The following EFCAB6 variants were observed in gnomAD, a reference collection of about 807,000 sequenced individuals.
EFCAB6 encodes EF-hand calcium-binding domain-containing protein 6.
Under a neutral mutation model 169.8 loss-of-function variants are expected in EFCAB6, and 156 were observed. That is an observed-to-expected ratio of 0.92 (90% confidence interval 0.81 to 1.05). EFCAB6 has a LOEUF of 1.05. Ranked by LOEUF, EFCAB6 falls within the 50% of genes least tolerant of loss-of-function variation. EFCAB6 has a pLI of 0.00. For synonymous variants in EFCAB6, 698 were observed against 676.4 expected (o/e 1.03, Z -0.50); for missense variants, 1,800 against 1,829.1 (o/e 0.98, Z 0.29).
intron 2 of EFCAB6, among the ~76,000 whole-genome samples, chr22:43,788,363 A>G (rs529485513): frequency 1.3e-5 from 2 of 152,224 alleles, no homozygotes; most frequent in Admixed American, 6.5e-5. Flanking sequence ...AGAATATATT[A>G]GGAACTCTTA....
intron 24 of EFCAB6, among the ~76,000 whole-genome samples, chr22:43,582,288 G>A (rs987078673): frequency 6.6e-6 from 1 of 151,700 alleles, no homozygotes; most frequent in East Asian, 1.9e-4. Context: ...GTTTAAGGAA[G>A]AAAAAAACAT....
intron 17 of EFCAB6, among the ~76,000 whole-genome samples, chr22:43,647,455 T>G (rs1300186870): frequency 6.6e-6 from 1 of 152,188 alleles, no homozygotes; most frequent in Non-Finnish European, 1.5e-5. Flanking sequence ...ATCCAGGAAC[T>G]GGGAATACAA....
chr22:43,721,383 A>G (rs927692543), intron 8 of EFCAB6, among the ~76,000 whole-genome samples: 1 of 152,184 alleles, frequency 6.6e-6, no homozygotes, highest in African/African-American at 2.4e-5. Context: ...CTATCCTAAA[A>G]TTCATATGGA....
rs538416103 is a variant in EFCAB6, at chr22:43,540,450, G to A, written c.3649-93C>T. On this transcript the variant is annotated intron_variant, in intron 27 of 31. Transcript: ENST00000262726. ...GCGAGAAGTGGGACAGGCCGGCCTC[G>A]CAGGAGGTGAGCACTCACGTGACTG... 4.3e-5 allele frequency: 68 copies of A among 1,590,062 alleles called. 1 individual carries two copies. Among genetic ancestry groups the A allele is most frequent in the African/African-American group, 2.9e-4 (22 of 74,750 alleles).
chr22:43,709,671 A>G (rs1042607442), intron 10 of EFCAB6, among the ~76,000 whole-genome samples: 2 of 152,216 alleles, frequency 1.3e-5, no homozygotes, highest in Non-Finnish European at 2.9e-5. Flanking sequence ...GATGGTGACT[A>G]TCTGCTTTTA....
intron 15 of EFCAB6, 21 bp downstream of exon 15, chr22:43,671,949 TTAA>T (rs1569355237): frequency 1.2e-6 from 2 of 1,609,748 alleles, no homozygotes; most frequent in Middle Eastern, 1.7e-4. Context: ...ACGACATGAA[TTAA>T]TTTTGTTACA....
intron 26 of EFCAB6, among the ~76,000 whole-genome samples, chr22:43,556,221 T>G (rs1602237672): frequency 6.8e-6 from 1 of 148,140 alleles, no homozygotes; most frequent in East Asian, 2.0e-4. Flanking sequence ...GGGTCAGGGG[T>G]GGGGGGAAAT....
intron 10 of EFCAB6, among the ~76,000 whole-genome samples, chr22:43,697,701 T>C (rs2058625735): frequency 6.6e-6 from 1 of 152,180 alleles, no homozygotes; most frequent in Admixed American, 6.5e-5. Flanking sequence ...CTCCTTTTAT[T>C]GTCTCAGGCA....
At chr22:43,733,893 G>C (rs1213559250) in intron 7 of EFCAB6, among the ~76,000 whole-genome samples, 2 of 152,150 alleles carry the variant, frequency 1.3e-5, no homozygotes, top group East Asian at 1.9e-4. Context: ...ACTTTTAGTA[G>C]AGATGGGGTT....
chr22:43,543,813 T>G (rs1204708835), intron 27 of EFCAB6, among the ~76,000 whole-genome samples: 5 of 152,088 alleles, frequency 3.3e-5, no homozygotes, highest in African/African-American at 1.2e-4. Flanking sequence ...CAGGCACTGA[T>G]GTGAGCCGAG....
chr22:43,734,186 AAG>A (rs1222670793), intron 7 of EFCAB6, among the ~76,000 whole-genome samples: 3 of 152,218 alleles, frequency 2.0e-5, no homozygotes, highest in African/African-American at 7.2e-5. Context: ...TGTTAGATAA[AAG>A]AGAGGATTCA....
chr22:43,638,863 G>A (rs1057253356), intron 17 of EFCAB6, among the ~76,000 whole-genome samples: 5 of 150,316 alleles, frequency 3.3e-5, no homozygotes, highest in African/African-American at 7.4e-5. Context: ...TCGGCTCACC[G>A]CAACCTCTGC....
chr22:43,656,152 A>C (rs2056729799), intron 17 of EFCAB6, among the ~76,000 whole-genome samples: 1 of 152,144 alleles, frequency 6.6e-6, no homozygotes, highest in Admixed American at 6.5e-5. Flanking sequence ...GCACTTTGGG[A>C]GGCCAAGGCG....
Position 43,590,141 on chromosome 22 carries a change from T to C in EFCAB6, c.2965A>G (p.Met989Val). Residue 989 changes from methionine (M) to valine (V), a missense_variant, in exon 24 of 32, where the codon ATG becomes GTG. By Grantham distance (21) the Met-to-Val change is conservative. Transcript: ENST00000262726. Reference protein sequence around the residue: ...SKTNYISICKMQEVLEECGCS... With the variant: ...SKTNYISICKVQEVLEECGCS... Reference sequence around the variant, plus strand: ...CCACATTCTTCCAGCACTTCCTGCATCTTGCATATGGATATGTAGTTGGTT... The same window carrying C: ...CCACATTCTTCCAGCACTTCCTGCACCTTGCATATGGATATGTAGTTGGTT... 6.2e-7 allele frequency: 1 copy of C among 1,614,218 alleles called. No individual in the cohort carries two copies. The highest frequency in any genetic ancestry group is 8.5e-7 in the Non-Finnish European group (1 of 1,180,036).
chr22:43,707,584 G>A (rs1265644990), intron 10 of EFCAB6, among the ~76,000 whole-genome samples: 1 of 152,192 alleles, frequency 6.6e-6, no homozygotes, highest in Admixed American at 6.5e-5. Flanking sequence ...GCAGAGGCCA[G>A]AAGACCGTGA....
chr22:43,690,460 G>A (rs2058370556), intron 10 of EFCAB6, among the ~76,000 whole-genome samples: 3 of 150,620 alleles, frequency 2.0e-5, no homozygotes, highest in South Asian at 2.1e-4. Context: ...AGCCTGCAGT[G>A]AGCCGAGATC....
chr22:43,730,261 AG>A (rs1275157954), intron 8 of EFCAB6, among the ~76,000 whole-genome samples: 1 of 63,596 alleles, frequency 1.6e-5, no homozygotes, highest in Admixed American at 1.6e-4. Context: ...GAAGGAGGAA[AG>A]GGAGCGAGGG....
At chr22:43,808,051 G>A (rs1274541039) in intron 2 of EFCAB6, among the ~76,000 whole-genome samples, 1 of 152,170 alleles carries the variant, frequency 6.6e-6, no homozygotes, top group Admixed American at 6.5e-5. Context: ...CATATCCATG[G>A]GTTCCACATC....
chr22:43,714,740 T>C (rs186465590), intron 9 of EFCAB6, among the ~76,000 whole-genome samples: 18 of 152,148 alleles, frequency 1.2e-4, no homozygotes, highest in Admixed American at 1.1e-3. Context: ...AAAAGGCACA[T>C]AGTTTCAAAT....
Sources: gnomAD v4.1 joint callset for allele counts (sites outside exome capture counted in the v4.1 genomes callset) on GRCh38, gnomAD v4.1.1 for gene constraint, MANE v1.5 for transcripts, NCBI Gene and HGNC (gene_info 2026-07-23, HGNC 2026-07-21) for gene names.